CTNNA3: variants seen among roughly 807,000 people sequenced by gnomAD.
The protein encoded by CTNNA3 is catenin alpha 3, also known as catenin alpha-3.
Under a neutral mutation model 95.7 loss-of-function variants are expected in CTNNA3, and 76 were observed. The observed-to-expected ratio is 0.79, with a 90% CI of 0.66 to 0.96. The LOEUF (loss-of-function observed/expected upper bound fraction) is 0.96, where lower values mean the gene tolerates loss of function less well. Among genes scored for constraint, CTNNA3 ranks in the 40% least tolerant of loss-of-function variants. The pLI is 0.00. For synonymous variants in CTNNA3, 431 were observed against 374.4 expected, an observed-to-expected ratio of 1.15 and a Z score of -1.74; for missense variants, 1,191 against 1,089.8, an observed-to-expected ratio of 1.09 and a Z score of -1.31.
intron 15 of CTNNA3, among the ~76,000 whole-genome samples, chr10:65,997,036 C>T (rs2078678591): frequency 6.6e-6 from 1 of 151,264 alleles, no homozygotes. Context: ...TTTTTTAATC[C>T]CATTATCTAT....
At chr10:67,386,770 A>C (rs998844876) in intron 5 of CTNNA3, among the ~76,000 whole-genome samples, 1 of 152,216 alleles carries the variant, frequency 6.6e-6, no homozygotes, top group Non-Finnish European at 1.5e-5. Context: ...TAAAGGTAGG[A>C]AATAGTGTCT....
chr10:66,193,123 A>G (rs1373305424), intron 13 of CTNNA3, among the ~76,000 whole-genome samples: 2 of 152,188 alleles, frequency 1.3e-5, no homozygotes, highest in East Asian at 3.8e-4. Flanking sequence ...AGGTACAATG[A>G]AAAGAGGGAC....
intron 14 of CTNNA3, among the ~76,000 whole-genome samples, chr10:66,084,561 T>C (rs957221300): frequency 1.6e-4 from 24 of 152,176 alleles, no homozygotes; most frequent in Admixed American, 6.5e-5. Context: ...TAATGTTTTT[T>C]CTAAAGAGAA....
chr10:67,590,702 T>C (rs1842763700), intron 3 of CTNNA3, among the ~76,000 whole-genome samples: 1 of 152,140 alleles, frequency 6.6e-6, no homozygotes, highest in East Asian at 1.9e-4. Context: ...GAAATTCTTT[T>C]CGGGCCATTT....
intron 17 of CTNNA3, among the ~76,000 whole-genome samples, chr10:65,932,626 C>T (rs1317486604): frequency 6.6e-6 from 1 of 152,080 alleles, no homozygotes; most frequent in Non-Finnish European, 1.5e-5. Context: ...CCATCTTGTG[C>T]TGCTACTTTT....
intron 5 of CTNNA3, among the ~76,000 whole-genome samples, chr10:67,419,828 G>C (rs1055139135): frequency 6.6e-6 from 1 of 151,748 alleles, no homozygotes; most frequent in Non-Finnish European, 1.5e-5. Flanking sequence ...TCACATATCT[G>C]ATGCACTAGT....
At chr10:66,084,172 GA>G (rs2080885657) in intron 14 of CTNNA3, among the ~76,000 whole-genome samples, 1 of 123,012 alleles carries the variant, frequency 8.1e-6, no homozygotes, top group African/African-American at 2.7e-5. Flanking sequence ...AAGAAAAAAA[GA>G]AAAGGAAAGA....
chr10:67,680,040 C>A (rs1334987093), intron 1 of CTNNA3, among the ~76,000 whole-genome samples: 1 of 152,018 alleles, frequency 6.6e-6, no homozygotes, highest in Admixed American at 6.6e-5. Flanking sequence ...ATTAGTGGGT[C>A]AGAAAAGCCT....
chr10:67,288,512 G>T (rs369374034), intron 5 of CTNNA3, among the ~76,000 whole-genome samples: 1 of 152,232 alleles, frequency 6.6e-6, no homozygotes, highest in East Asian at 1.9e-4. Flanking sequence ...TATTATCTGT[G>T]CATTTTTTCT....
chr10:66,980,838 T>G (rs1850385872), intron 7 of CTNNA3, among the ~76,000 whole-genome samples: 1 of 152,202 alleles, frequency 6.6e-6, no homozygotes, highest in Non-Finnish European at 1.5e-5. Context: ...TATGACTCCC[T>G]GTACACCAGA....
In CTNNA3 at chr10:67,118,757, C is replaced by T. The variant is rs1859316255; in HGVS notation, c.1047+61560G>A. Among the ~76,000 whole-genome samples, 3 of 151,734 alleles carry T rather than the reference C, an allele frequency of 2.0e-5. No individual in the cohort carries two copies. In the South Asian group the frequency reaches 6.2e-4, roughly 31 times the overall value. On this transcript the variant is annotated intron_variant, in intron 7 of 17. Transcript: ENST00000433211. ...CCTAAAAACTTAGAAAGCCATGTCTCCCCTCTCATGAACTAAGCATTTCTC... is the reference window on the plus strand; with the variant it reads ...CCTAAAAACTTAGAAAGCCATGTCTTCCCTCTCATGAACTAAGCATTTCTC...
At chr10:67,120,581 C>A (rs1381510065) in intron 7 of CTNNA3, among the ~76,000 whole-genome samples, 1 of 151,824 alleles carries the variant, frequency 6.6e-6, no homozygotes, top group African/African-American at 2.4e-5. Context: ...ATGGAGTAGT[C>A]AAGAAAATTG....
At chr10:65,972,868 A>G (rs2078133431) in intron 16 of CTNNA3, among the ~76,000 whole-genome samples, 1 of 150,486 alleles carries the variant, frequency 6.6e-6, no homozygotes, top group Admixed American at 6.7e-5. Context: ...ATATGAAACC[A>G]AGAAATATCT....
intron 5 of CTNNA3, among the ~76,000 whole-genome samples, chr10:67,454,085 G>A (rs1185887835): frequency 6.6e-6 from 1 of 152,020 alleles, no homozygotes; most frequent in Non-Finnish European, 1.5e-5. Flanking sequence ...ATCTACAGAG[G>A]AAAACATTCA....
intron 7 of CTNNA3, among the ~76,000 whole-genome samples, chr10:66,783,358 C>T (rs4428961): frequency 0.67 from 102,221 of 151,960 alleles, 34,962 homozygotes; most frequent in East Asian, 1. Flanking sequence ...GGCCAAAGTT[C>T]ATAAATCCTT....
chr10:66,573,878 G>A (rs1012980306), intron 10 of CTNNA3, among the ~76,000 whole-genome samples: 2 of 152,044 alleles, frequency 1.3e-5, no homozygotes, highest in African/African-American at 4.8e-5. Flanking sequence ...TCAGCAATGT[G>A]CAGAGAATAT....
rs553264056 is a variant in CTNNA3, at chr10:67,688,258, G to A, written c.-6+7742C>T. ...AATTCCCCTCCCCCTACAGCTTGAA[G>A]GGGACATAAATGATAGCTCAGGGGT... is the stretch of plus-strand genomic sequence containing the variant. On this transcript the variant is annotated intron_variant, in intron 1 of 17. Transcript: ENST00000433211. Among the ~76,000 whole-genome samples the A allele has an allele frequency of 1.8e-4, 27 of 152,218 alleles. 1 individual carries two copies. The highest frequency in any genetic ancestry group is 1.8e-3 in the Admixed American group (27 of 15,280).
intron 1 of CTNNA3, among the ~76,000 whole-genome samples, chr10:67,761,847 T>C (rs527687741): frequency 2.7e-5 from 4 of 148,426 alleles, no homozygotes; most frequent in South Asian, 2.1e-4. Flanking sequence ...CACTGCACTC[T>C]AGCCTGGGCG....
intron 10 of CTNNA3, among the ~76,000 whole-genome samples, chr10:66,555,776 A>C (rs1842370389): frequency 6.6e-6 from 1 of 152,074 alleles, no homozygotes. Context: ...ATATACCAAA[A>C]ATTACATCAA....
Sources: gnomAD v4.1 joint callset for allele counts (sites outside exome capture counted in the v4.1 genomes callset) on GRCh38, gnomAD v4.1.1 for gene constraint, MANE v1.5 for transcripts, NCBI Gene and HGNC (gene_info 2026-07-23, HGNC 2026-07-21) for gene names.